The following C1orf105 variants were observed in gnomAD, a reference collection of about 807,000 sequenced individuals.
C1orf105 encodes chromosome 1 open reading frame 105, also known as uncharacterized protein C1orf105.
C1orf105 carries 17 observed loss-of-function variants against 20.8 expected under a neutral mutation model. The ratio of observed to expected loss-of-function variants is 0.82; its 90% CI spans 0.56 to 1.23. The LOEUF (loss-of-function observed/expected upper bound fraction) is 1.23, where lower values mean the gene tolerates loss of function less well. Among genes scored for constraint, C1orf105 ranks in the 50% most tolerant of loss-of-function variants. C1orf105 has a pLI of 0.00. For missense variants in C1orf105, 219 were observed against 213.5 expected (o/e 1.03, Z -0.16); for synonymous variants, 72 against 72.1 (o/e 1.00, Z 0.01).
chr1:172,428,943 T>C, intron 1 of C1orf105: 1 of 580,470 alleles, frequency 1.7e-6, no homozygotes. Flanking sequence ...AAATATTTTG[T>C]TGGATTTTGG....
intron 1 of C1orf105, among the ~76,000 whole-genome samples, chr1:172,426,371 A>G (rs1044010268): frequency 3.3e-5 from 5 of 152,152 alleles, no homozygotes; most frequent in African/African-American, 1.2e-4. Context: ...AGCACTATCT[A>G]CATGACCCTA....
At chr1:172,455,793 C>T (rs933800583) in intron 3 of C1orf105, among the ~76,000 whole-genome samples, 2 of 152,182 alleles carry the variant, frequency 1.3e-5, no homozygotes, top group African/African-American at 4.8e-5. Context: ...TCAGGACTCA[C>T]ACACAAGCTT....
Position 172,468,640 on chromosome 1 carries a change from C to T in C1orf105, c.*46C>T, listed in dbSNP as rs1650241011. On this transcript the variant is annotated 3_prime_UTR_variant, in exon 7 of 7. Coordinates refer to ENST00000367727, the MANE Select transcript of C1orf105 (RefSeq NM_139240.4). ...CCCAGACTCCCAGAGAGAAAATAAC[C>T]TCGCCAAGCCAATCTTTGACACTGG... 1 of 1,563,652 alleles carries T rather than the reference C, an allele frequency of 6.4e-7. No individual in the cohort carries two copies. Among genetic ancestry groups the T allele is most frequent in the Admixed American group, 1.8e-5 (1 of 54,912 alleles).
intron 1 of C1orf105, among the ~76,000 whole-genome samples, chr1:172,425,694 C>T (rs758082005): frequency 3.3e-5 from 5 of 152,128 alleles, no homozygotes; most frequent in South Asian, 4.1e-4. Flanking sequence ...TAGAAGTTTG[C>T]ACTGTTCTGA....
chr1:172,456,158 C>A (rs1649215351), intron 3 of C1orf105, among the ~76,000 whole-genome samples: 1 of 152,062 alleles, frequency 6.6e-6, no homozygotes, highest in Non-Finnish European at 1.5e-5. Flanking sequence ...TACATGTATA[C>A]CACTGCATGC....
At chr1:172,446,090 ATC>A (rs1386893280) in intron 2 of C1orf105, among the ~76,000 whole-genome samples, 1 of 152,210 alleles carries the variant, frequency 6.6e-6, no homozygotes, top group Admixed American at 6.5e-5. Flanking sequence ...TTAAAAAAAA[ATC>A]TCATTCTCAG....
chr1:172,466,859 T>C (rs1650104554), intron 6 of C1orf105, among the ~76,000 whole-genome samples: 1 of 152,160 alleles, frequency 6.6e-6, no homozygotes, highest in Non-Finnish European at 1.5e-5. Flanking sequence ...GGGGGAATAG[T>C]TGTAAAACTG....
chr1:172,439,958 A>G (rs1048635607), intron 1 of C1orf105, among the ~76,000 whole-genome samples: 1 of 152,152 alleles, frequency 6.6e-6, no homozygotes, highest in African/African-American at 2.4e-5. Flanking sequence ...TTTTCTCCTC[A>G]TTGGCCAGTG....
At chr1:172,464,935 C>A (rs1341437306) in intron 5 of C1orf105, among the ~76,000 whole-genome samples, 2 of 152,126 alleles carry the variant, frequency 1.3e-5, no homozygotes, top group Non-Finnish European at 1.5e-5. Flanking sequence ...GTAATCCCAG[C>A]ACTTTGGGAG....
intron 1 of C1orf105, among the ~76,000 whole-genome samples, chr1:172,432,732 G>A (rs561258206): frequency 3.3e-5 from 5 of 152,318 alleles, no homozygotes; most frequent in East Asian, 3.9e-4. Flanking sequence ...GCAGCTCCTC[G>A]CCAGCAATGG....
chr1:172,421,704 G>C (rs985568043), intron 1 of C1orf105, among the ~76,000 whole-genome samples: 1 of 152,102 alleles, frequency 6.6e-6, no homozygotes, highest in African/African-American at 2.4e-5. Context: ...ATCACAAAGT[G>C]ATCACAGTAC....
At chr1:172,459,007 T>C (rs903648598) in intron 4 of C1orf105, among the ~76,000 whole-genome samples, 1 of 152,108 alleles carries the variant, frequency 6.6e-6, no homozygotes, top group Non-Finnish European at 1.5e-5. Context: ...AAGAATGAAT[T>C]TGTACCTCTT....
Position 172,462,394 on chromosome 1 carries a change from A to C in C1orf105, c.341+149A>C. On this transcript the variant is annotated intron_variant, in intron 5 of 6. Transcript: ENST00000367727. ...CTGGTTTTATTTTTAGGTTAAACCAAATTATTAGATCAAAAAAGAAAGTTC... is the reference window on the plus strand; with the variant it reads ...CTGGTTTTATTTTTAGGTTAAACCACATTATTAGATCAAAAAAGAAAGTTC... 5.4e-6 allele frequency: 3 copies of C among 553,660 alleles called. No homozygotes were observed. In the Middle Eastern group the frequency reaches 8.2e-4, roughly 151 times the overall value. The allele number at this position is 553,660 out of a possible 1,614,324, so 34.3% of individuals were successfully genotyped here.
At chr1:172,432,208 T>A (rs1277377248) in intron 1 of C1orf105, among the ~76,000 whole-genome samples, 28 of 152,172 alleles carry the variant, frequency 1.8e-4, no homozygotes, top group Admixed American at 1.8e-3. Context: ...AACTTAAACG[T>A]CCCTGTGTGA....
chr1:172,440,908 T>C (rs1027544426), intron 1 of C1orf105, among the ~76,000 whole-genome samples: 10 of 152,224 alleles, frequency 6.6e-5, no homozygotes, highest in Non-Finnish European at 1.3e-4. Context: ...GGTGTCTCCA[T>C]TGGACATCTC....
chr1:172,467,486 C>A (rs894608548), intron 6 of C1orf105, among the ~76,000 whole-genome samples: 2 of 152,188 alleles, frequency 1.3e-5, no homozygotes, highest in African/African-American at 4.8e-5. Context: ...GACTCTTAAT[C>A]TCAATAAACA....
chr1:172,464,776 A>G (rs994613495), intron 5 of C1orf105, among the ~76,000 whole-genome samples: 1 of 152,210 alleles, frequency 6.6e-6, no homozygotes, highest in Admixed American at 6.5e-5. Context: ...AACAACACTA[A>G]TCAAAAAGAG....
At chr1:172,432,125 G>A (rs1378887670) in intron 1 of C1orf105, among the ~76,000 whole-genome samples, 1 of 152,210 alleles carries the variant, frequency 6.6e-6, no homozygotes, top group African/African-American at 2.4e-5. Context: ...GCTCAGCAAG[G>A]CCTACCGCCT....
chr1:172,431,729 G>A (rs1211116268), intron 1 of C1orf105, among the ~76,000 whole-genome samples: 1 of 152,216 alleles, frequency 6.6e-6, no homozygotes, highest in Non-Finnish European at 1.5e-5. Context: ...TCATCTCACT[G>A]GGCCTGGTTG....
Sources: allele counts gnomAD v4.1 joint callset (sites outside exome capture counted in the v4.1 genomes callset), GRCh38; gene constraint gnomAD v4.1.1; transcripts MANE v1.5; gene names NCBI Gene and HGNC (gene_info 2026-07-23, HGNC 2026-07-21).